Variants in B4GALT5 observed in about 807,000 individuals in gnomAD.
B4GALT5 encodes the protein beta-1,4-galactosyltransferase 5.
Under a neutral mutation model 45.0 loss-of-function variants are expected in B4GALT5, and 11 were observed. That is an observed-to-expected ratio of 0.24 (90% CI 0.15 to 0.40). B4GALT5 has a LOEUF of 0.40. Among genes scored for constraint, B4GALT5 ranks in the 10% least tolerant of loss-of-function variants. The probability of loss-of-function intolerance (pLI) is 1.00; values close to 1 mark genes in which losing one functional copy is unlikely to be tolerated. For synonymous variants in B4GALT5, 185 were observed against 182.9 expected, an observed-to-expected ratio of 1.01 and a Z score of -0.09; for missense variants, 337 against 500.2, an observed-to-expected ratio of 0.67 and a Z score of 3.11.
chr20:49,665,309 G>C (rs2085684964), intron 1 of B4GALT5, among the ~76,000 whole-genome samples: 1 of 150,382 alleles, frequency 6.6e-6, no homozygotes, highest in Non-Finnish European at 1.5e-5. Flanking sequence ...AGCTACTTGG[G>C]AGGCCAAGGT....
chr20:49,690,809 C>T (rs970857878), intron 1 of B4GALT5, among the ~76,000 whole-genome samples: 1 of 152,112 alleles, frequency 6.6e-6, no homozygotes, highest in Non-Finnish European at 1.5e-5. Context: ...TTTATGAATT[C>T]ATGGAGACAC....
In B4GALT5 at chr20:49,635,306, G is replaced by C. The variant is rs1466589983; in HGVS notation, c.*1006C>G. On this transcript the variant is annotated 3_prime_UTR_variant, in exon 9 of 9. Transcript: ENST00000371711. ...GGAGAGCCAGAGATGTGTGTGCAGCGAGCCCCGAAGGGCCTGCTTTAGGCA... is the reference window on the plus strand; with the variant it reads ...GGAGAGCCAGAGATGTGTGTGCAGCCAGCCCCGAAGGGCCTGCTTTAGGCA... The C allele has an allele frequency of 1.3e-5, 2 of 148,224 alleles. No homozygotes were observed. Among genetic ancestry groups the C allele is most frequent in the African/African-American group, 2.5e-5 (1 of 39,872 alleles). The allele number at this position is 148,224 out of a possible 1,614,324, so 9.2% of individuals were successfully genotyped here.
chr20:49,694,424 G>C (rs1196869118), intron 1 of B4GALT5, among the ~76,000 whole-genome samples: 3 of 152,100 alleles, frequency 2.0e-5, no homozygotes, highest in African/African-American at 7.2e-5. Context: ...GGGCGAGGTG[G>C]GAAGGTCACT....
At chr20:49,689,748 G>A (rs921077462) in intron 1 of B4GALT5, among the ~76,000 whole-genome samples, 21 of 152,074 alleles carry the variant, frequency 1.4e-4, no homozygotes, top group Non-Finnish European at 1.3e-4. Context: ...GTGCATTTGC[G>A]GAGTTTGACA....
chr20:49,688,347 G>A (rs960067955), intron 1 of B4GALT5, among the ~76,000 whole-genome samples: 1 of 152,112 alleles, frequency 6.6e-6, no homozygotes, highest in Non-Finnish European at 1.5e-5. Flanking sequence ...CACCGTGGGG[G>A]ACAAAGATTA....
intron 1 of B4GALT5, among the ~76,000 whole-genome samples, chr20:49,684,436 G>A (rs887187364): frequency 1.3e-5 from 2 of 152,014 alleles, no homozygotes; most frequent in African/African-American, 4.8e-5. Flanking sequence ...GGCAGTGTGC[G>A]CCTGTAGTCC....
intron 1 of B4GALT5, among the ~76,000 whole-genome samples, chr20:49,681,594 C>T (rs1357338005): frequency 1.3e-5 from 2 of 152,206 alleles, no homozygotes; most frequent in Non-Finnish European, 2.9e-5. Context: ...CTGCCATCTC[C>T]ACTCAGAAGC....
intron 1 of B4GALT5, among the ~76,000 whole-genome samples, chr20:49,658,033 T>A (rs1291956213): frequency 6.6e-6 from 1 of 152,014 alleles, no homozygotes; most frequent in Non-Finnish European, 1.5e-5. Flanking sequence ...CATAAAATAA[T>A]AAGCAAAAAG....
rs145820400 is a variant in B4GALT5, at chr20:49,634,305, TACAC to T, written c.*2003_*2006del. 2.0e-5 allele frequency: 3 copies of T among 151,244 alleles called. No individual in the cohort carries two copies. Among genetic ancestry groups the T allele is most frequent in the Admixed American group, 6.6e-5 (1 of 15,132 alleles). 9.4% of individuals were successfully genotyped at this position (151,244 alleles called of 1,614,324 possible). A position where few individuals can be genotyped will look rare whatever the true frequency, so the allele number is the denominator to read the frequency against. On this transcript the variant is annotated 3_prime_UTR_variant, in exon 9 of 9. Transcript: ENST00000371711. ...CGAAAAAAGCCCTAACCCACACACA[TACAC>T]ACACACACCCCTACACACACCCATG...
At chr20:49,706,948 T>C (rs1358079245) in intron 1 of B4GALT5, among the ~76,000 whole-genome samples, 2 of 152,176 alleles carry the variant, frequency 1.3e-5, no homozygotes, top group African/African-American at 4.8e-5. Context: ...TGCTTTGGAA[T>C]TTCTGCTCTC....
intron 1 of B4GALT5, among the ~76,000 whole-genome samples, chr20:49,664,826 A>C (rs539700062): frequency 5.3e-5 from 8 of 152,376 alleles, no homozygotes; most frequent in African/African-American, 1.9e-4. Context: ...AAATGTGTGC[A>C]TATGCACATA....
rs2085930275 is a variant in B4GALT5 at position 49,713,581 on chromosome 20, C to T, written c.110G>A (p.Gly37Asp). ...SLLYFVYVAP[G>D]IVNTYLFMMQ... is the part of the protein sequence containing the mutation. ...GTCCCAAGCCCCCTTCCTACCTATG[C>T]CGGGCGCCACATAGACGAAGTACAG... Residue 37 changes from glycine to aspartate, a missense_variant, in exon 1 of 9, where the codon GGC becomes GAC. Gly to Asp is a moderately conservative substitution (Grantham distance 94). Around this residue, in one of 2 missense-constraint regions of B4GALT5, gnomAD observed 174 missense variants for 207.4 expected, o/e 0.84. Transcript: ENST00000371711. The T allele has an allele frequency of 6.3e-7, 1 of 1,580,196 alleles. No individual in the cohort carries two copies. The highest frequency in any genetic ancestry group is 8.6e-7 in the Non-Finnish European group (1 of 1,164,342).
chr20:49,666,685 C>T (rs760078755), intron 1 of B4GALT5, among the ~76,000 whole-genome samples: 53 of 152,152 alleles, frequency 3.5e-4, no homozygotes, highest in Non-Finnish European at 6.5e-4. Context: ...AGATAAGACA[C>T]AATAAAAATT....
At chr20:49,700,346 G>C (rs1423107369) in intron 1 of B4GALT5, among the ~76,000 whole-genome samples, 1 of 152,194 alleles carries the variant, frequency 6.6e-6, no homozygotes, top group Non-Finnish European at 1.5e-5. Context: ...TTTTCTGAGA[G>C]AGTCTCACTC....
intron 1 of B4GALT5, among the ~76,000 whole-genome samples, chr20:49,679,303 G>A (rs778068610): frequency 6.6e-6 from 1 of 152,090 alleles, no homozygotes; most frequent in Non-Finnish European, 1.5e-5. Flanking sequence ...GTCCTAAAAT[G>A]AAGCTAAAAA....
intron 1 of B4GALT5, among the ~76,000 whole-genome samples, chr20:49,664,543 G>T (rs568118867): frequency 6.6e-6 from 1 of 150,894 alleles, no homozygotes; most frequent in Admixed American, 6.6e-5. Flanking sequence ...AAAAAGCAGG[G>T]GCTATTCTAG....
At chr20:49,693,949 T>C (rs1284416474) in intron 1 of B4GALT5, among the ~76,000 whole-genome samples, 1 of 152,134 alleles carries the variant, frequency 6.6e-6, no homozygotes, top group Admixed American at 6.5e-5. Context: ...AAAATTAATC[T>C]CTGCACCTGG....
At chr20:49,644,053 G>C (rs1215037990) in intron 3 of B4GALT5, among the ~76,000 whole-genome samples, 2 of 149,984 alleles carry the variant, frequency 1.3e-5, no homozygotes, top group South Asian at 2.1e-4. Flanking sequence ...TCAGCCTCCT[G>C]AGTAGCTGCG....
intron 1 of B4GALT5, among the ~76,000 whole-genome samples, chr20:49,688,839 A>T (rs1316794684): frequency 6.6e-6 from 1 of 150,626 alleles, no homozygotes; most frequent in African/African-American, 2.4e-5. Flanking sequence ...CAGGAGGCTG[A>T]GGCAGGAGAA....
Sources: gnomAD v4.1 joint callset for allele counts (sites outside exome capture counted in the v4.1 genomes callset) on GRCh38, gnomAD v4.1.1 for gene constraint, gnomAD v4.1.1 regional missense constraint, MANE v1.5 for transcripts, NCBI Gene and HGNC (gene_info 2026-07-23, HGNC 2026-07-21) for gene names.